The following CPNE8 variants were observed in gnomAD, a reference collection of about 807,000 sequenced individuals.
CPNE8 encodes copine 8.
In CPNE8, 45 loss-of-function variants were observed where a neutral mutation model predicts 81.5. That is an observed-to-expected ratio of 0.55 (90% CI 0.44 to 0.71). CPNE8 has a LOEUF of 0.71. CPNE8 is among the 30% of genes least tolerant of loss of function. CPNE8 has a pLI of 0.00. For synonymous variants in CPNE8, 252 were observed against 226.3 expected (o/e 1.11, Z -1.02); for missense variants, 594 against 672.1 (o/e 0.88, Z 1.28).
At chr12:38,671,694 C>G (rs910282736) in intron 18 of CPNE8, among the ~76,000 whole-genome samples, 2 of 152,130 alleles carry the variant, frequency 1.3e-5, no homozygotes, top group African/African-American at 4.8e-5. Flanking sequence ...ACCCATCTCC[C>G]TGGCCCCAAT....
chr12:38,677,237 A>AT (rs1264682950), intron 17 of CPNE8, among the ~76,000 whole-genome samples: 4 of 151,882 alleles, frequency 2.6e-5, no homozygotes, highest in Admixed American at 1.3e-4. Flanking sequence ...TTAGGCAAAA[A>AT]TTTTTTTTAA....
intron 19 of CPNE8, among the ~76,000 whole-genome samples, chr12:38,667,370 C>T (rs773202946): frequency 5.9e-5 from 9 of 152,112 alleles, no homozygotes; most frequent in Non-Finnish European, 8.8e-5. Context: ...TAAAATAATT[C>T]GCTTTAAAAA....
At position 38,832,992 on chromosome 12, in the gene CPNE8, T is replaced by C. The variant is rs557936103; in HGVS notation, c.331-3537A>G. On this transcript the variant is annotated intron_variant, in intron 5 of 19. Transcript: ENST00000331366. ...AAATTTAAATTACAAATACAATTTCTAAAATTATACCCTATCCTTGAATGT... is the reference window on the plus strand; with the variant it reads ...AAATTTAAATTACAAATACAATTTCCAAAATTATACCCTATCCTTGAATGT... Among the ~76,000 whole-genome samples, 5 of 152,288 alleles carry C rather than the reference T, an allele frequency of 3.3e-5. No individual in the cohort carries two copies. In the South Asian group the frequency reaches 1.0e-3, roughly 32 times the overall value.
chr12:38,770,652 C>T (rs532560669), intron 7 of CPNE8, among the ~76,000 whole-genome samples: 2 of 152,284 alleles, frequency 1.3e-5, no homozygotes, highest in African/African-American at 4.8e-5. Flanking sequence ...GCCTTTTCCA[C>T]CTTCAACTGG....
intron 10 of CPNE8, among the ~76,000 whole-genome samples, chr12:38,760,451 A>ATATATATATATATATATGTG (rs749406707): frequency 8.3e-6 from 1 of 120,180 alleles, no homozygotes; most frequent in Admixed American, 8.2e-5. Context: ...ATATATATAT[A>ATATATATATATATATATGTG]TGTGTGTGTA....
At chr12:38,704,864 T>TATATATA (rs1940064957) in intron 13 of CPNE8, among the ~76,000 whole-genome samples, 9 of 73,832 alleles carry the variant, frequency 1.2e-4, no homozygotes, top group African/African-American at 4.3e-4. Flanking sequence ...ATATATATAT[T>TATATATA]TAAATTTCGG....
At chr12:38,686,689 C>T (rs546366088) in intron 15 of CPNE8, among the ~76,000 whole-genome samples, 4 of 152,202 alleles carry the variant, frequency 2.6e-5, no homozygotes, top group Admixed American at 6.5e-5. Context: ...ACCTGGGCTG[C>T]AGTCATCTGA....
intron 3 of CPNE8, among the ~76,000 whole-genome samples, chr12:38,871,215 A>G (rs893688539): frequency 3.3e-5 from 5 of 152,194 alleles, no homozygotes; most frequent in Admixed American, 1.3e-4. Flanking sequence ...TTTAGGTCCA[A>G]AATTTTTTGT....
intron 13 of CPNE8, among the ~76,000 whole-genome samples, chr12:38,704,693 C>T (rs1940045187): frequency 6.6e-6 from 1 of 151,538 alleles, no homozygotes; most frequent in South Asian, 2.1e-4. Context: ...GGAGCTGTGG[C>T]CACCGTCCAG....
At chr12:38,845,839 C>G (rs549521876) in intron 4 of CPNE8, among the ~76,000 whole-genome samples, 110 of 152,260 alleles carry the variant, frequency 7.2e-4, no homozygotes, top group Non-Finnish European at 1.4e-3. Flanking sequence ...TGATCTTCTG[C>G]AGGTAACCCT....
At chr12:38,902,248 AG>A (rs1262015494) in intron 1 of CPNE8, among the ~76,000 whole-genome samples, 3,547 of 106,754 alleles carry the variant, frequency 0.033, 182 homozygotes, top group African/African-American at 0.14. Flanking sequence ...AAAGAAAGAA[AG>A]AAAGAAAAAA....
upstream of CPNE8, chr12:38,905,595 G>C: frequency 3.9e-6 from 6 of 1,533,616 alleles, no homozygotes; most frequent in Non-Finnish European, 5.3e-6. Context: ...GCGGACTGAG[G>C]GCTAGCTCCC....
At chr12:38,806,129 A>G (rs1942795833) in intron 6 of CPNE8, among the ~76,000 whole-genome samples, 2 of 150,318 alleles carry the variant, frequency 1.3e-5, no homozygotes, top group African/African-American at 4.8e-5. Flanking sequence ...CCAACTAAAA[A>G]GAGTCCAGGA....
At chr12:38,837,714 G>C (rs1376135954) in intron 5 of CPNE8, among the ~76,000 whole-genome samples, 2 of 152,096 alleles carry the variant, frequency 1.3e-5, no homozygotes, top group East Asian at 1.9e-4. Flanking sequence ...TTGGAACAGA[G>C]AGAGAGAGAT....
chr12:38,748,661 C>G (rs986471991), intron 10 of CPNE8, among the ~76,000 whole-genome samples: 1 of 150,758 alleles, frequency 6.6e-6, no homozygotes, highest in Non-Finnish European at 1.5e-5. Context: ...CCACCACGCC[C>G]GGCTAATTTT....
chr12:38,798,583 A>T (rs971138872), intron 6 of CPNE8, among the ~76,000 whole-genome samples: 1 of 152,186 alleles, frequency 6.6e-6, no homozygotes, highest in Non-Finnish European at 1.5e-5. Context: ...GGTACCAGCC[A>T]CTGCAAAAAC....
chr12:38,751,138 G>A (rs1941346168), intron 10 of CPNE8, among the ~76,000 whole-genome samples: 1 of 152,146 alleles, frequency 6.6e-6, no homozygotes, highest in African/African-American at 2.4e-5. Context: ...CCATGATTGT[G>A]AGGCTTCCCC....
At chr12:38,709,856 T>G (rs1226599075) in intron 13 of CPNE8, among the ~76,000 whole-genome samples, 2 of 152,136 alleles carry the variant, frequency 1.3e-5, no homozygotes, top group African/African-American at 2.4e-5. Flanking sequence ...TCTAGGTACT[T>G]CCTCAAACAA....
intron 13 of CPNE8, among the ~76,000 whole-genome samples, chr12:38,718,863 T>TGG (rs1263555527): frequency 6.6e-6 from 1 of 152,144 alleles, no homozygotes; most frequent in Admixed American, 6.5e-5. Context: ...AATCATATAA[T>TGG]GGAAAACTGT....
Sources: allele counts gnomAD v4.1 joint callset (sites outside exome capture counted in the v4.1 genomes callset), GRCh38; gene constraint gnomAD v4.1.1; transcripts MANE v1.5; gene names NCBI Gene and HGNC (gene_info 2026-07-23, HGNC 2026-07-21).